PIK3C2G: variants seen among roughly 807,000 people sequenced by gnomAD.
PIK3C2G encodes phosphatidylinositol-4-phosphate 3-kinase catalytic subunit type 2 gamma.
Under a neutral mutation model 181.1 loss-of-function variants are expected in PIK3C2G, and 168 were observed. That is an observed-to-expected ratio of 0.93 (90% CI 0.82 to 1.05). The LOEUF is 1.05. Among genes scored for constraint, PIK3C2G ranks in the 50% least tolerant of loss-of-function variants. The pLI, the probability that PIK3C2G is intolerant of heterozygous loss-of-function variation, is 0.00. For missense variants in PIK3C2G, 1,869 were observed against 1,732.8 expected (o/e 1.08, Z -1.40); for synonymous variants, 573 against 592.2 (o/e 0.97, Z 0.47).
intron 16 of PIK3C2G, among the ~76,000 whole-genome samples, chr12:18,419,814 T>C (rs1287523328): frequency 6.6e-6 from 1 of 152,156 alleles, no homozygotes; most frequent in Non-Finnish European, 1.5e-5. Context: ...CATTTGAAGC[T>C]GCCATCAAGG....
chr12:18,280,354 A>G (rs1352271290), intron 1 of PIK3C2G, among the ~76,000 whole-genome samples: 2 of 152,050 alleles, frequency 1.3e-5, no homozygotes, highest in Non-Finnish European at 2.9e-5. Context: ...AAGTGTAAAC[A>G]GTAGAAAATA....
chr12:18,314,657 G>A (rs1287688940), intron 6 of PIK3C2G: 3 of 152,230 alleles, frequency 2.0e-5, no homozygotes, highest in African/African-American at 2.4e-5. Flanking sequence ...CTGGTATTTT[G>A]TTATAGCAGC....
At chr12:18,268,521 T>A (rs1381081214) in intron 1 of PIK3C2G, among the ~76,000 whole-genome samples, 1 of 152,148 alleles carries the variant, frequency 6.6e-6, no homozygotes, top group East Asian at 1.9e-4. Context: ...GTTTTCTGAA[T>A]TTTTCTACCT....
intron 5 of PIK3C2G, among the ~76,000 whole-genome samples, chr12:18,295,490 G>C (rs7488203): frequency 6.6e-6 from 1 of 151,688 alleles, no homozygotes; most frequent in Non-Finnish European, 1.5e-5. Flanking sequence ...TTGTATTAAA[G>C]AGACAGAAAT....
At chr12:18,421,143 C>T (rs1592217018) in intron 17 of PIK3C2G, 109 bp downstream of exon 17, 1 of 540,998 alleles carries the variant, frequency 1.8e-6, no homozygotes, top group Non-Finnish European at 3.3e-6. Flanking sequence ...GCAATTTGGC[C>T]ACCCAAGGGA....
the PIK3C2G span, chr12:18,696,350 A>ATATATATATATATATATATATATATC: frequency 8.1e-6 from 2 of 247,368 alleles, no homozygotes; most frequent in African/African-American, 2.7e-5. Flanking sequence ...ATATATATAT[A>ATATATATATATATATATATATATATC]TCATATAATT....
intron 22 of PIK3C2G, among the ~76,000 whole-genome samples, chr12:18,500,689 C>A (rs1199181272): frequency 6.6e-6 from 1 of 152,188 alleles, no homozygotes; most frequent in Non-Finnish European, 1.5e-5. Context: ...AAACAGACCA[C>A]TCGGCTCTAC....
intron 1 of PIK3C2G, among the ~76,000 whole-genome samples, chr12:18,274,332 T>G (rs996929597): frequency 1.2e-4 from 18 of 152,236 alleles, no homozygotes; most frequent in African/African-American, 4.3e-4. Context: ...TAAATCATGC[T>G]GCTATAAAGA....
chr12:18,477,968 A>G (rs1171844115), intron 18 of PIK3C2G, among the ~76,000 whole-genome samples: 1 of 152,168 alleles, frequency 6.6e-6, no homozygotes, highest in Admixed American at 6.5e-5. Flanking sequence ...TGAGGGGTAA[A>G]GGGGAATTTT....
chr12:18,350,449 C>T (rs1276440071), intron 11 of PIK3C2G, among the ~76,000 whole-genome samples: 1 of 152,102 alleles, frequency 6.6e-6, no homozygotes, highest in Non-Finnish European at 1.5e-5. Flanking sequence ...TTTGACAGTA[C>T]TTTCAATTAT....
the PIK3C2G span, among the ~76,000 whole-genome samples, chr12:18,670,149 AT>A: frequency 1.3e-5 from 2 of 152,182 alleles, no homozygotes; most frequent in African/African-American, 4.8e-5. Context: ...CACAACAGAT[AT>A]CAGATCATTA....
intron 22 of PIK3C2G, among the ~76,000 whole-genome samples, chr12:18,498,101 T>C (rs952820042): frequency 6.6e-6 from 1 of 151,652 alleles, no homozygotes; most frequent in South Asian, 2.1e-4. Flanking sequence ...TTGTTACTTA[T>C]TAACACAAAA....
At chr12:18,278,845 C>T (rs567225259) in intron 1 of PIK3C2G, among the ~76,000 whole-genome samples, 11 of 151,952 alleles carry the variant, frequency 7.2e-5, no homozygotes, top group African/African-American at 2.4e-4. Flanking sequence ...CTGAAAATTC[C>T]TAGAAATTTC....
chr12:18,570,311 C>G (rs965617762), intron 29 of PIK3C2G, among the ~76,000 whole-genome samples: 1 of 151,848 alleles, frequency 6.6e-6, no homozygotes, highest in Admixed American at 6.6e-5. Flanking sequence ...AAGGTTCAAG[C>G]AATTCTCCCG....
upstream of PIK3C2G, among the ~76,000 whole-genome samples, chr12:18,257,926 C>G (rs1448912894): frequency 3.3e-5 from 5 of 151,998 alleles, no homozygotes; most frequent in Non-Finnish European, 7.4e-5. Flanking sequence ...CTTGCTTGTA[C>G]CTTTTACCTG....
chr12:18,572,218 A>G (rs1263288885), intron 29 of PIK3C2G, among the ~76,000 whole-genome samples: 1 of 150,192 alleles, frequency 6.7e-6, no homozygotes, highest in East Asian at 1.9e-4. Flanking sequence ...TCATATAATC[A>G]ACTTTTTTTA....
chr12:18,276,706 T>C (rs1345825010), intron 1 of PIK3C2G, among the ~76,000 whole-genome samples: 1 of 152,200 alleles, frequency 6.6e-6, no homozygotes, highest in East Asian at 1.9e-4. Flanking sequence ...CAGAGCTGTA[T>C]TTTATAGTTT....
At chr12:18,442,720 T>C (rs1342414347) in intron 18 of PIK3C2G, among the ~76,000 whole-genome samples, 1 of 152,184 alleles carries the variant, frequency 6.6e-6, no homozygotes, top group South Asian at 2.1e-4. Flanking sequence ...TCTTCAGATA[T>C]TAACAACATT....
intron 1 of PIK3C2G, among the ~76,000 whole-genome samples, chr12:18,265,670 G>A (rs1341943675): frequency 1.3e-5 from 2 of 151,750 alleles, no homozygotes; most frequent in Non-Finnish European, 2.9e-5. Context: ...TAATATATTT[G>A]GTAATACTTT....
Sources: allele counts gnomAD v4.1 joint callset (sites outside exome capture counted in the v4.1 genomes callset), GRCh38; gene constraint gnomAD v4.1.1; transcripts MANE v1.5; gene names NCBI Gene and HGNC (gene_info 2026-07-23, HGNC 2026-07-21).